ROBO2: variants seen among roughly 807,000 people sequenced by gnomAD.
ROBO2 encodes roundabout guidance receptor 2.
Under a neutral mutation model 160.8 loss-of-function variants are expected in ROBO2, and 53 were observed. The ratio of observed to expected loss-of-function variants is 0.33; its 90% confidence interval spans 0.26 to 0.41. The LOEUF (loss-of-function observed/expected upper bound fraction) is 0.41. Ranked by LOEUF, ROBO2 falls within the 10% of genes least tolerant of loss-of-function variation. ROBO2 has a pLI of 1.00. For missense variants in ROBO2, 1,577 were observed against 1,722.4 expected (o/e 0.92, Z 1.49); for synonymous variants, 664 against 611.7 (o/e 1.09, Z -1.26).
chr3:76,865,206 C>G (rs560554393), intron 2 of ROBO2, among the ~76,000 whole-genome samples: 3 of 151,944 alleles, frequency 2.0e-5, no homozygotes, highest in Non-Finnish European at 4.4e-5. Context: ...ATTGGTGAAG[C>G]ATTATGTTTT....
At chr3:77,160,202 A>AAACTTATTTATTT (rs1231129040) in intron 2 of ROBO2, among the ~76,000 whole-genome samples, 3 of 152,168 alleles carry the variant, frequency 2.0e-5, no homozygotes, top group African/African-American at 7.2e-5. Flanking sequence ...AATTTTTATA[A>AAACTTATTTATTT]AACTTATTTA....
chr3:76,302,798 C>T (rs1038642660), intron 2 of ROBO2, among the ~76,000 whole-genome samples: 2 of 151,904 alleles, frequency 1.3e-5, no homozygotes, highest in African/African-American at 2.4e-5. Context: ...TGGGATCACC[C>T]GGTGATGCAT....
At chr3:77,165,153 G>C (rs1393015092) in intron 2 of ROBO2, among the ~76,000 whole-genome samples, 6 of 151,504 alleles carry the variant, frequency 4.0e-5, no homozygotes, top group Non-Finnish European at 7.4e-5. Context: ...TGAGAAATCG[G>C]ATGGTTGCCG....
chr3:76,337,264 G>C (rs2073952263), intron 2 of ROBO2, among the ~76,000 whole-genome samples: 1 of 152,092 alleles, frequency 6.6e-6, no homozygotes, highest in Non-Finnish European at 1.5e-5. Context: ...AAGTGACATA[G>C]AAAATAACAG....
At chr3:77,616,326 T>C (rs1250286202) in intron 21 of ROBO2, among the ~76,000 whole-genome samples, 4 of 152,048 alleles carry the variant, frequency 2.6e-5, no homozygotes, top group African/African-American at 9.7e-5. Flanking sequence ...AAGATGAGTT[T>C]ATCAGACTAG....
intron 1 of ROBO2, among the ~76,000 whole-genome samples, chr3:75,916,907 A>G (rs1387647534): frequency 6.6e-6 from 1 of 152,000 alleles, no homozygotes; most frequent in Non-Finnish European, 1.5e-5. Context: ...TACAAAACTG[A>G]TGGGATATTA....
intron 2 of ROBO2, among the ~76,000 whole-genome samples, chr3:76,075,711 C>A (rs1016826760): frequency 2.0e-5 from 3 of 152,138 alleles, no homozygotes; most frequent in Admixed American, 6.5e-5. Flanking sequence ...TCCTTAATGG[C>A]TCCCATGAGT....
At position 77,040,717 on chromosome 3, in the gene ROBO2, C is replaced by A. The variant is rs992315011; in HGVS notation, c.-69C>A. The A allele has an allele frequency of 2.5e-6, 4 of 1,609,526 alleles. 1 individual carries two copies. The highest frequency in any genetic ancestry group is 3.5e-4 in the Middle Eastern group (2 of 5,688). Reference sequence around the variant, plus strand: ...TTTGGACCTACCTCTTTTTTTGATACTCATTTTTGTACTTTTGCTCTCTGG... The same window carrying A: ...TTTGGACCTACCTCTTTTTTTGATAATCATTTTTGTACTTTTGCTCTCTGG... On this transcript the variant is annotated 5_prime_UTR_variant, in exon 1 of 26. Transcript: ENST00000461745.
At chr3:76,000,368 C>T (rs1298778488) in intron 2 of ROBO2, among the ~76,000 whole-genome samples, 1 of 152,094 alleles carries the variant, frequency 6.6e-6, no homozygotes, top group African/African-American at 2.4e-5. Context: ...TAGAGTTCTT[C>T]ATAGTTTCAT....
chr3:77,048,415 G>T (rs928673086), intron 1 of ROBO2, among the ~76,000 whole-genome samples: 1 of 152,104 alleles, frequency 6.6e-6, no homozygotes, highest in African/African-American at 2.4e-5. Flanking sequence ...CAAGTGAAAG[G>T]TGCGACGAAT....
chr3:76,440,046 C>T (rs1262430716), intron 2 of ROBO2, among the ~76,000 whole-genome samples: 1 of 152,020 alleles, frequency 6.6e-6, no homozygotes, highest in African/African-American at 2.4e-5. Flanking sequence ...GTGGGAGCTT[C>T]TACATTTGCA....
In ROBO2 at chr3:76,764,646, A is replaced by T. The variant is rs116030680; in HGVS notation, c.110-333368A>T. Among the ~76,000 whole-genome samples the T allele has an allele frequency of 2.2e-3, 335 of 151,736 alleles. 1 individual carries two copies. Among genetic ancestry groups the T allele is most frequent in the South Asian group, 0.013 (65 of 4,822 alleles). ...AATTCAGTATTTTTGTTCATGTTTC[A>T]TGCCATCTCAAATGCTTTCAGAATG... On this transcript the variant is annotated intron_variant, in intron 2 of 26. Coordinates refer to the ROBO2 transcript ENST00000487694.
rs536682833 is a variant in ROBO2, at chr3:76,566,063, A to G, written c.110-531951A>G. On this transcript the variant is annotated intron_variant, in intron 2 of 26. Transcript: ENST00000487694. ...AATCAAAGTCTCTTCTCCAGAACAC[A>G]TAGCTTCCTTTGTTCACCACAGCCT... Among the ~76,000 whole-genome samples the G allele has an allele frequency of 6.6e-4, 101 of 152,312 alleles. 1 individual carries two copies. The highest frequency in any genetic ancestry group is 1.2e-3 in the Non-Finnish European group (81 of 68,024).
chr3:76,345,487 A>T (rs1211190581), intron 2 of ROBO2, among the ~76,000 whole-genome samples: 1 of 150,732 alleles, frequency 6.6e-6, no homozygotes, highest in Admixed American at 6.6e-5. Flanking sequence ...TTTCAACAAG[A>T]AAACTATTAT....
At chr3:76,087,163 G>A (rs1304662856) in intron 2 of ROBO2, among the ~76,000 whole-genome samples, 2 of 151,720 alleles carry the variant, frequency 1.3e-5, no homozygotes, top group Non-Finnish European at 2.9e-5. Flanking sequence ...GATCCAGAAA[G>A]CTCAGAGAAC....
chr3:76,555,432 G>GAAGAAGAAGAAGAAGAAGAAGAAGAAA (rs1560141931), intron 2 of ROBO2, among the ~76,000 whole-genome samples: 1 of 91,614 alleles, frequency 1.1e-5, no homozygotes, highest in Non-Finnish European at 2.4e-5. Context: ...AAGGAGAAGG[G>GAAGAAGAAGAAGAAGAAGAAGAAGAAA]GAAGGGGAAG....
chr3:77,101,054 A>C (rs1337263320), intron 2 of ROBO2, among the ~76,000 whole-genome samples: 2 of 152,178 alleles, frequency 1.3e-5, no homozygotes, highest in Non-Finnish European at 2.9e-5. Context: ...ATAAAAATCT[A>C]AGCTATTTTG....
intron 2 of ROBO2, among the ~76,000 whole-genome samples, chr3:76,172,733 G>C (rs1433073347): frequency 1.3e-5 from 2 of 152,024 alleles, no homozygotes; most frequent in Admixed American, 1.3e-4. Flanking sequence ...ATGACTTTTA[G>C]CCACACTTCA....
intron 2 of ROBO2, among the ~76,000 whole-genome samples, chr3:76,198,757 A>G (rs1702380148): frequency 6.6e-6 from 1 of 152,146 alleles, no homozygotes; most frequent in Admixed American, 6.6e-5. Flanking sequence ...ACTCCTTTCT[A>G]TTGATTCTAG....
Sources: gnomAD v4.1 joint callset for allele counts (sites outside exome capture counted in the v4.1 genomes callset) on GRCh38, gnomAD v4.1.1 for gene constraint, MANE v1.5 for transcripts, NCBI Gene and HGNC (gene_info 2026-07-23, HGNC 2026-07-21) for gene names.